Variants in EVL observed in about 807,000 individuals in gnomAD.
EVL encodes the protein ena/VASP-like protein.
Under a neutral mutation model 59.6 loss-of-function variants are expected in EVL, and 21 were observed. The ratio of observed to expected loss-of-function variants is 0.35; its 90% CI spans 0.25 to 0.51. The LOEUF is 0.51. Ranked by LOEUF, EVL falls within the 20% of genes least tolerant of loss-of-function variation. The pLI is 0.97. For synonymous variants in EVL, 198 were observed against 203.5 expected, an observed-to-expected ratio of 0.97 and a Z score of 0.23; for missense variants, 462 against 546.6, an observed-to-expected ratio of 0.85 and a Z score of 1.54.
chr14:100,001,722 A>G (rs1322392470), intron 1 of EVL, among the ~76,000 whole-genome samples: 1 of 152,210 alleles, frequency 6.6e-6, no homozygotes, highest in Non-Finnish European at 1.5e-5. Context: ...CCTGTCAGAA[A>G]GTGACATTCT....
intron 1 of EVL, among the ~76,000 whole-genome samples, chr14:99,985,988 A>G (rs2060837505): frequency 6.6e-6 from 1 of 151,560 alleles, no homozygotes; most frequent in Non-Finnish European, 1.5e-5. Flanking sequence ...CTCTTTGCTG[A>G]TAGATCAAAA....
intron 1 of EVL, among the ~76,000 whole-genome samples, chr14:100,015,204 A>T (rs2061041341): frequency 6.6e-6 from 1 of 152,178 alleles, no homozygotes; most frequent in Admixed American, 6.5e-5. Context: ...CTCCAAGTGA[A>T]CTGTAATGAG....
In EVL at chr14:100,136,442, C is replaced by G. The variant is rs975265978; in HGVS notation, c.964+474C>G. On this transcript the variant is annotated intron_variant, in intron 9 of 13. Transcript: ENST00000392920. ...AGCCCCTTCCCTGGCTCAGGTTTCTCTCTGTCTAAGCTGTGGCAGATGGGA... is the reference window on the plus strand; with the variant it reads ...AGCCCCTTCCCTGGCTCAGGTTTCTGTCTGTCTAAGCTGTGGCAGATGGGA... Among the ~76,000 whole-genome samples the G allele has an allele frequency of 5.9e-5, 9 of 152,234 alleles. No homozygotes were observed. The East Asian group carries it at 7.7e-4, about 13-fold the overall frequency.
At chr14:100,004,102 G>C (rs1476423325) in intron 1 of EVL, among the ~76,000 whole-genome samples, 1 of 152,208 alleles carries the variant, frequency 6.6e-6, no homozygotes, top group Non-Finnish European at 1.5e-5. Flanking sequence ...TACTTGGGAG[G>C]CTGAGGCACA....
chr14:100,065,648 GC>G (rs2061915186), intron 1 of EVL, 137 bp downstream of exon 1: 1 of 417,546 alleles, frequency 2.4e-6, no homozygotes, highest in East Asian at 3.9e-5. Context: ...AGGGCAGGGG[GC>G]TTACATGAGG....
At chr14:100,102,256 A>G (rs945297797) in intron 3 of EVL, 1 of 456,066 alleles carries the variant, frequency 2.2e-6, no homozygotes. Flanking sequence ...AGAGGAACAC[A>G]GCCTCCTTGC....
chr14:100,097,437 C>T, intron 2 of EVL, 44 bp from the exon 3 acceptor site: 1 of 1,556,780 alleles, frequency 6.4e-7, no homozygotes, highest in Non-Finnish European at 8.7e-7. Context: ...AGCTCACTTA[C>T]ATTTTATTTA....
intron 1 of EVL, among the ~76,000 whole-genome samples, chr14:99,982,527 G>A (rs1425342855): frequency 6.6e-6 from 1 of 152,164 alleles, no homozygotes; most frequent in Non-Finnish European, 1.5e-5. Context: ...AAGCACCAAA[G>A]GAAGGACTTT....
At chr14:99,993,303 C>T (rs1279896348) in intron 1 of EVL, among the ~76,000 whole-genome samples, 2 of 152,056 alleles carry the variant, frequency 1.3e-5, no homozygotes, top group Admixed American at 1.3e-4. Flanking sequence ...CGTGATCTGC[C>T]CACCTTGGCC....
intron 1 of EVL, among the ~76,000 whole-genome samples, chr14:100,068,357 A>G (rs1595125031): frequency 6.6e-6 from 1 of 152,244 alleles, no homozygotes; most frequent in African/African-American, 2.4e-5. Context: ...AGGCTTTATC[A>G]GGCCCAACGG....
chr14:100,001,287 A>T (rs924770233), intron 1 of EVL, among the ~76,000 whole-genome samples: 3 of 152,238 alleles, frequency 2.0e-5, no homozygotes, highest in Non-Finnish European at 4.4e-5. Flanking sequence ...AAGGAAAAGA[A>T]AGAAAAAATT....
chr14:100,138,568 A>G (rs1189038995), intron 11 of EVL: 1 of 152,662 alleles, frequency 6.6e-6, no homozygotes, highest in African/African-American at 2.4e-5. Context: ...CTGGCCTTGC[A>G]GAGCTGAACA....
At chr14:100,006,575 C>T (rs2060983403) in intron 1 of EVL, among the ~76,000 whole-genome samples, 1 of 152,132 alleles carries the variant, frequency 6.6e-6, no homozygotes, top group South Asian at 2.1e-4. Context: ...GTGTGAGCCA[C>T]TGCGCCCGGC....
intron 1 of EVL, among the ~76,000 whole-genome samples, chr14:100,047,870 A>C (rs531379298): frequency 6.6e-6 from 1 of 152,346 alleles, no homozygotes; most frequent in African/African-American, 2.4e-5. Context: ...TTCAGTGAGA[A>C]AGTATAGCCT....
At chr14:100,047,272 T>C (rs543947699) in intron 1 of EVL, among the ~76,000 whole-genome samples, 1 of 152,080 alleles carries the variant, frequency 6.6e-6, no homozygotes, top group South Asian at 2.1e-4. Flanking sequence ...AGACGGGCGC[T>C]ATAGTTACCA....
chr14:99,983,325 T>C (rs2060820042), intron 1 of EVL, among the ~76,000 whole-genome samples: 1 of 152,100 alleles, frequency 6.6e-6, no homozygotes, highest in Non-Finnish European at 1.5e-5. Flanking sequence ...AAAACTTAGG[T>C]TAAGAAAGAG....
intron 1 of EVL, among the ~76,000 whole-genome samples, chr14:99,991,960 C>CTG (rs58443751): frequency 0.045 from 6,530 of 144,286 alleles, 194 homozygotes; most frequent in African/African-American, 0.094. Flanking sequence ...AGGGTCAACT[C>CTG]TGTGTGTGTG....
chr14:100,126,571 G>A (rs1260854937), intron 4 of EVL, 136 bp from the exon 5 acceptor site: 3 of 824,392 alleles, frequency 3.6e-6, no homozygotes, highest in South Asian at 1.6e-5. Context: ...GGAGGCAGCC[G>A]TGGCACACAG....
At position 100,059,647 on chromosome 14, in the gene EVL, G is replaced by A. The variant is rs547529748; in HGVS notation, c.6-25040G>A. Reference sequence around the variant, plus strand: ...CCGGCTTAACCTGAATGAAGAAACCGCCCAGAACACCTCAGGCATTCAGTT... The same window carrying A: ...CCGGCTTAACCTGAATGAAGAAACCACCCAGAACACCTCAGGCATTCAGTT... On this transcript the variant is annotated intron_variant, in intron 1 of 13. Transcript: ENST00000402714. Among the ~76,000 whole-genome samples the A allele has an allele frequency of 2.4e-3, 369 of 152,146 alleles. 2 individuals carry two copies. Among genetic ancestry groups the A allele is most frequent in the Non-Finnish European group, 3.6e-3 (244 of 68,008 alleles).
Sources: allele counts gnomAD v4.1 joint callset (sites outside exome capture counted in the v4.1 genomes callset), GRCh38; gene constraint gnomAD v4.1.1; transcripts MANE v1.5; gene names NCBI Gene and HGNC (gene_info 2026-07-23, HGNC 2026-07-21).